The following BTAF1 variants were observed in gnomAD, a reference collection of about 807,000 sequenced individuals.
BTAF1 encodes B-TFIID TATA-box binding protein associated factor 1.
Under a neutral mutation model 227.1 loss-of-function variants are expected in BTAF1, and 38 were observed. The observed-to-expected ratio is 0.17, with a 90% CI of 0.13 to 0.22. BTAF1 has a LOEUF of 0.22. Ranked by LOEUF, BTAF1 falls within the 10% of genes least tolerant of loss-of-function variation. BTAF1 has a pLI of 1.00. For synonymous variants in BTAF1, 742 were observed against 751.9 expected (o/e 0.99, Z 0.21); for missense variants, 1,598 against 2,204.0 (o/e 0.73, Z 5.51).
At chr10:92,026,495 A>G in intron 35 of BTAF1, 97 bp from the exon 36 acceptor site, 1 of 1,019,982 alleles carries the variant, frequency 9.8e-7, no homozygotes, top group Non-Finnish European at 1.4e-6. Context: ...GTGGATTTTT[A>G]AAGCAGCATT....
chr10:91,933,019 G>A (rs964341848), intron 1 of BTAF1, among the ~76,000 whole-genome samples: 1 of 152,260 alleles, frequency 6.6e-6, no homozygotes, highest in Admixed American at 6.5e-5. Context: ...GTGAGGCAGA[G>A]TACATACCCA....
rs1851865305 is a variant in BTAF1, at chr10:92,031,055, A to ATGAT, written c.*2123_*2126dup. 6.6e-6 allele frequency among the ~76,000 whole-genome samples: 1 copy of ATGAT among 152,212 alleles called. No individual in the cohort carries two copies. The highest frequency in any genetic ancestry group is 1.5e-5 in the Non-Finnish European group (1 of 68,030). ...TATGGGTGTGGGAAGTCAAACAAGC[A>ATGAT]TGATAGAATGTTAACTATTTTAAAC... is the stretch of plus-strand genomic sequence containing the variant. On this transcript the variant is annotated 3_prime_UTR_variant, in exon 38 of 38. Transcript: ENST00000265990.
intron 24 of BTAF1, chr10:91,997,201 A>C: frequency 8.1e-7 from 1 of 1,235,636 alleles, no homozygotes; most frequent in South Asian, 1.3e-5. Context: ...GGTGATTGTC[A>C]AGATCCTGGT....
At chr10:91,929,413 A>G (rs914236489) in intron 1 of BTAF1, among the ~76,000 whole-genome samples, 2 of 152,228 alleles carry the variant, frequency 1.3e-5, no homozygotes, top group Non-Finnish European at 2.9e-5. Flanking sequence ...ATATCTTTGC[A>G]TTTGAAAATG....
In BTAF1 at chr10:91,991,283, T is replaced by TATATATATATATATATATATAAATAC. The variant is rs1157787906; in HGVS notation, c.2855-827_2855-826insTATATATATATAAATACATATATATA. On this transcript the variant is annotated intron_variant, in intron 20 of 37. Coordinates refer to ENST00000265990, the MANE Select transcript of BTAF1 (RefSeq NM_003972.3). ...AAATATAAATATAAATATATATATA[T>TATATATATATATATATATATAAATAC]ATATATATAAATTATCCGGACGTGG... 4.0e-5 allele frequency among the ~76,000 whole-genome samples: 5 copies of TATATATATATATATATATATAAATAC among 124,888 alleles called. No homozygotes were observed. The Admixed American group carries it at 4.5e-4, about 11-fold the overall frequency. The allele number at this position is 124,888 out of a possible 152,430, so 81.9% of individuals were successfully genotyped here.
chr10:92,000,923 A>T (rs1019905532), intron 25 of BTAF1, among the ~76,000 whole-genome samples: 3 of 152,204 alleles, frequency 2.0e-5, no homozygotes, highest in South Asian at 4.1e-4. Context: ...AGGTATTGAG[A>T]AAAGATTAGT....
At chr10:91,930,013 C>G (rs1001882295) in intron 1 of BTAF1, among the ~76,000 whole-genome samples, 1 of 152,092 alleles carries the variant, frequency 6.6e-6, no homozygotes, top group African/African-American at 2.4e-5. Flanking sequence ...GTAAATTCCT[C>G]CTTATTTCTT....
chr10:91,975,310 T>C (rs974796383), intron 14 of BTAF1, among the ~76,000 whole-genome samples: 3 of 152,190 alleles, frequency 2.0e-5, no homozygotes, highest in South Asian at 2.1e-4. Flanking sequence ...GTTAGAAAAT[T>C]TAACATACAC....
At chr10:92,019,586 C>T (rs1463379465) in intron 34 of BTAF1, among the ~76,000 whole-genome samples, 1 of 152,160 alleles carries the variant, frequency 6.6e-6, no homozygotes, top group African/African-American at 2.4e-5. Context: ...AACTGCCAAA[C>T]TTTTTCACGA....
chr10:92,008,342 G>C, intron 26 of BTAF1, 67 bp downstream of exon 26: 1 of 1,393,154 alleles, frequency 7.2e-7, no homozygotes, highest in East Asian at 2.6e-5. Flanking sequence ...TTTGTTGGGG[G>C]GGGCTTTTGT....
rs145315351 is a variant in BTAF1, at chr10:91,992,936, CTAGT to C, written c.3045+633_3045+636del. ...CATTATTAGCAATAGAATGAATGCTCTAGTTAGTTCTTTGGAATGCAAGGCATAG... is the reference window on the plus strand; with the variant it reads ...CATTATTAGCAATAGAATGAATGCTCTAGTTCTTTGGAATGCAAGGCATAG... On this transcript the variant is annotated intron_variant, in intron 21 of 37. Coordinates refer to ENST00000265990, the MANE Select transcript of BTAF1 (RefSeq NM_003972.3). Among the ~76,000 whole-genome samples the C allele has an allele frequency of 6.6e-4, 100 of 152,270 alleles. No homozygotes were observed. In the East Asian group the frequency reaches 0.018, roughly 27 times the overall value.
chr10:91,994,408 A>G (rs1197360931), intron 22 of BTAF1, 127 bp from the exon 23 acceptor site: 5 of 598,280 alleles, frequency 8.4e-6, no homozygotes, highest in East Asian at 5.7e-5. Context: ...AGGTCATGGC[A>G]TTTAATTTTA....
intron 2 of BTAF1, among the ~76,000 whole-genome samples, chr10:91,936,816 C>G (rs1253019947): frequency 1.3e-5 from 2 of 152,114 alleles, no homozygotes; most frequent in Non-Finnish European, 2.9e-5. Context: ...AAACAATGAA[C>G]AGGCCTCATC....
chr10:92,004,525 T>C (rs576356217), intron 25 of BTAF1, among the ~76,000 whole-genome samples: 2 of 152,338 alleles, frequency 1.3e-5, no homozygotes, highest in East Asian at 3.8e-4. Context: ...TGGAGTGCAG[T>C]TGTATGATCA....
chr10:91,995,849 G>T (rs1589914775), intron 23 of BTAF1, among the ~76,000 whole-genome samples: 1 of 152,080 alleles, frequency 6.6e-6, no homozygotes. Context: ...GTAAGGTGCT[G>T]TTGTGATGCT....
chr10:91,981,430 T>A (rs527938812), intron 15 of BTAF1, among the ~76,000 whole-genome samples: 20 of 151,646 alleles, frequency 1.3e-4, no homozygotes, highest in South Asian at 4.2e-4. Flanking sequence ...GTTCTTTTTT[T>A]AAAAAAAAAC....
chr10:91,928,229 G>A (rs899022462), intron 1 of BTAF1, among the ~76,000 whole-genome samples: 1 of 151,960 alleles, frequency 6.6e-6, no homozygotes, highest in African/African-American at 2.4e-5. Context: ...TAATAGGCTT[G>A]GTTTTACTGT....
intron 36 of BTAF1, 103 bp downstream of exon 36, chr10:92,026,854 A>T: frequency 7.9e-7 from 1 of 1,272,980 alleles, no homozygotes; most frequent in African/African-American, 1.5e-5. Flanking sequence ...GTGTTAACAT[A>T]CATGTGTTAT....
intron 10 of BTAF1, 22 bp downstream of exon 10, chr10:91,959,902 C>T: frequency 6.2e-7 from 1 of 1,601,466 alleles, no homozygotes; most frequent in Admixed American, 1.8e-5. Context: ...TTAAGGGAGG[C>T]TTTGCCCAAT....
Sources: gnomAD v4.1 joint callset for allele counts (sites outside exome capture counted in the v4.1 genomes callset) on GRCh38, gnomAD v4.1.1 for gene constraint, MANE v1.5 for transcripts, NCBI Gene and HGNC (gene_info 2026-07-23, HGNC 2026-07-21) for gene names.